The following GPATCH2 variants were observed in gnomAD, a reference collection of about 807,000 sequenced individuals.
GPATCH2 encodes G-patch domain containing 2, also known as G patch domain-containing protein 2.
Under a neutral mutation model 58.0 loss-of-function variants are expected in GPATCH2, and 51 were observed. The ratio of observed to expected loss-of-function variants is 0.88; its 90% CI spans 0.70 to 1.11. The LOEUF is 1.11. Ranked by LOEUF, GPATCH2 falls within the 50% of genes most tolerant of loss-of-function variation. The pLI, the probability that GPATCH2 is intolerant of heterozygous loss-of-function variation, is 0.00. For synonymous variants in GPATCH2, 222 were observed against 218.5 expected, an observed-to-expected ratio of 1.02 and a Z score of -0.14; for missense variants, 625 against 652.2, an observed-to-expected ratio of 0.96 and a Z score of 0.45.
At position 217,475,757 on chromosome 1, in the gene GPATCH2, C is replaced by G. The variant is rs545121015; in HGVS notation, c.1277+15923G>C. On this transcript the variant is annotated intron_variant, in intron 8 of 9. Coordinates refer to ENST00000366935, the MANE Select transcript of GPATCH2 (RefSeq NM_018040.5). ...ACTGGAATTCAATTCCCAACTAAAT[C>G]AATTAATGTAAGATAAGAATAAAGA... Among the ~76,000 whole-genome samples the G allele has an allele frequency of 9.9e-5, 15 of 152,134 alleles. No individual in the cohort carries two copies. The East Asian group carries it at 2.1e-3, about 22-fold the overall frequency.
chr1:217,585,335 C>G (rs1280625701), intron 5 of GPATCH2, among the ~76,000 whole-genome samples: 1 of 151,966 alleles, frequency 6.6e-6, no homozygotes. Flanking sequence ...TGAATAAGAA[C>G]AGCAGTGCCG....
intron 9 of GPATCH2, among the ~76,000 whole-genome samples, chr1:217,445,752 G>A (rs1659359781): frequency 2.0e-5 from 3 of 152,114 alleles, no homozygotes; most frequent in South Asian, 2.1e-4. Flanking sequence ...TAAATTTGGT[G>A]TTCCTGTCAC....
rs1301072637 is a variant in GPATCH2, at chr1:217,427,592, C to A, written c.*3553G>T. 2 of 139,526 alleles carry A rather than the reference C, an allele frequency of 1.4e-5. No homozygotes were observed. The highest frequency in any genetic ancestry group is 2.7e-5 in the African/African-American group (1 of 36,894). The allele number at this position is 139,526 out of a possible 1,614,324, so 8.6% of individuals were successfully genotyped here. A position where few individuals can be genotyped will look rare whatever the true frequency, so the allele number is the denominator to read the frequency against. ...TTGTACTATTAACATGACTTTCTAC[C>A]AAAAGAAAAAATAAAAAAAAATATT... On this transcript the variant is annotated 3_prime_UTR_variant, in exon 10 of 10. Coordinates refer to ENST00000366935, the MANE Select transcript of GPATCH2 (RefSeq NM_018040.5).
At chr1:217,444,691 T>C (rs1273645314) in intron 9 of GPATCH2, among the ~76,000 whole-genome samples, 1 of 152,182 alleles carries the variant, frequency 6.6e-6, no homozygotes, top group East Asian at 1.9e-4. Flanking sequence ...GGCTTTACTA[T>C]TCATTCAGAT....
intron 8 of GPATCH2, among the ~76,000 whole-genome samples, chr1:217,468,112 C>T (rs949889910): frequency 5.3e-5 from 8 of 152,196 alleles, no homozygotes; most frequent in East Asian, 1.9e-4. Context: ...GCTTTCCCTA[C>T]ATGATCTGTA....
intron 5 of GPATCH2, among the ~76,000 whole-genome samples, chr1:217,540,235 A>G (rs909375865): frequency 6.6e-5 from 10 of 152,150 alleles, no homozygotes; most frequent in Non-Finnish European, 1.2e-4. Flanking sequence ...GGAAGGAGGG[A>G]GGGAGGGAGA....
At chr1:217,492,758 C>A (rs1162240820) in intron 7 of GPATCH2, 2 of 152,042 alleles carry the variant, frequency 1.3e-5, no homozygotes, top group African/African-American at 2.4e-5. Flanking sequence ...GTAATATAAA[C>A]CATTTAAAAT....
chr1:217,534,772 T>C lies in GPATCH2; in HGVS notation c.1099-19883A>G, dbSNP rs142202683. 2.1e-3 allele frequency among the ~76,000 whole-genome samples: 327 copies of C among 152,308 alleles called. 3 individuals are homozygous for C. The highest frequency in any genetic ancestry group is 7.1e-3 in the African/African-American group (297 of 41,576). Reference sequence around the variant, plus strand: ...ACAGTTGGATAGGGTACAAAATTTATTGCACCATGAGCTGTAAAGGTACTA... The same window carrying C: ...ACAGTTGGATAGGGTACAAAATTTACTGCACCATGAGCTGTAAAGGTACTA... On this transcript the variant is annotated intron_variant, in intron 5 of 9. Coordinates refer to ENST00000366935, the MANE Select transcript of GPATCH2 (RefSeq NM_018040.5).
intron 5 of GPATCH2, among the ~76,000 whole-genome samples, chr1:217,575,427 A>G (rs1666761944): frequency 6.6e-6 from 1 of 152,164 alleles, no homozygotes; most frequent in Non-Finnish European, 1.5e-5. Flanking sequence ...GGCATTAAGA[A>G]AAAGACAAAA....
At chr1:217,580,207 G>C (rs1667001961) in intron 5 of GPATCH2, among the ~76,000 whole-genome samples, 2 of 152,060 alleles carry the variant, frequency 1.3e-5, no homozygotes, top group South Asian at 4.1e-4. Context: ...AATTTAACTT[G>C]GTATACCACA....
At chr1:217,611,317 T>C (rs768416855) in intron 3 of GPATCH2, among the ~76,000 whole-genome samples, 2 of 152,134 alleles carry the variant, frequency 1.3e-5, no homozygotes, top group African/African-American at 4.8e-5. Flanking sequence ...TAAATGTAAT[T>C]GGGGATCCTA....
intron 5 of GPATCH2, among the ~76,000 whole-genome samples, chr1:217,557,927 G>A (rs1271023830): frequency 6.6e-6 from 1 of 152,130 alleles, no homozygotes; most frequent in African/African-American, 2.4e-5. Context: ...AAGTTAATAA[G>A]CTGAAGACAC....
chr1:217,602,517 A>T (rs1668155311), intron 5 of GPATCH2, among the ~76,000 whole-genome samples: 1 of 152,214 alleles, frequency 6.6e-6, no homozygotes, highest in Non-Finnish European at 1.5e-5. Flanking sequence ...CAGAGGATAT[A>T]ATCACAGCTG....
intron 6 of GPATCH2, among the ~76,000 whole-genome samples, chr1:217,503,399 A>G (rs1662399031): frequency 6.6e-6 from 1 of 152,144 alleles, no homozygotes; most frequent in South Asian, 2.1e-4. Flanking sequence ...GACAGAAAAC[A>G]CATTAAAGAA....
intron 9 of GPATCH2, among the ~76,000 whole-genome samples, chr1:217,447,400 T>C (rs1223306793): frequency 6.6e-6 from 1 of 152,164 alleles, no homozygotes; most frequent in Admixed American, 6.5e-5. Context: ...TGGATTTAGG[T>C]GTTATGCAGA....
In GPATCH2 at chr1:217,428,599, T is replaced by G. The variant is rs1342273404; in HGVS notation, c.*2546A>C. ...TGGGGGAAGCTTGGGATGTTATCAC[T>G]TCTCTGCTTTGAGTGCTGATTCACA... On this transcript the variant is annotated 3_prime_UTR_variant, in exon 10 of 10. Transcript: ENST00000366935. 1 of 152,244 alleles carries G rather than the reference T, an allele frequency of 6.6e-6. No individual in the cohort carries two copies. Among genetic ancestry groups the G allele is most frequent in the African/African-American group, 2.4e-5 (1 of 41,462 alleles). The allele number at this position is 152,244 out of a possible 1,614,324, so 9.4% of individuals were successfully genotyped here. A position where few individuals can be genotyped will look rare whatever the true frequency, so the allele number is the denominator to read the frequency against.
At chr1:217,507,984 T>A (rs1662645303) in intron 6 of GPATCH2, among the ~76,000 whole-genome samples, 1 of 152,098 alleles carries the variant, frequency 6.6e-6, no homozygotes, top group African/African-American at 2.4e-5. Context: ...CAGTGTACAA[T>A]ATAAAGTATG....
intron 5 of GPATCH2, among the ~76,000 whole-genome samples, chr1:217,552,623 C>T (rs1303352715): frequency 6.6e-6 from 1 of 152,130 alleles, no homozygotes; most frequent in African/African-American, 2.4e-5. Context: ...GTTGAAACTG[C>T]TCACACTCTG....
At chr1:217,582,290 C>T (rs1164894444) in intron 5 of GPATCH2, among the ~76,000 whole-genome samples, 3 of 152,072 alleles carry the variant, frequency 2.0e-5, no homozygotes, top group African/African-American at 4.8e-5. Context: ...AATAAAAACA[C>T]TACCTAAATC....
Sources: allele counts gnomAD v4.1 joint callset (sites outside exome capture counted in the v4.1 genomes callset), GRCh38; gene constraint gnomAD v4.1.1; transcripts MANE v1.5; gene names NCBI Gene and HGNC (gene_info 2026-07-23, HGNC 2026-07-21).